The following SYN3 variants were observed in gnomAD, a reference collection of about 807,000 sequenced individuals.
The protein encoded by SYN3 is synapsin-3.
SYN3 carries 35 observed loss-of-function variants against 65.8 expected under a neutral mutation model. That is an observed-to-expected ratio of 0.53 (90% CI 0.41 to 0.70). SYN3 has a LOEUF of 0.70. Ranked by LOEUF, SYN3 falls within the 30% of genes least tolerant of loss-of-function variation. The pLI is 0.00. For missense variants in SYN3, 680 were observed against 749.0 expected (o/e 0.91, Z 1.08); for synonymous variants, 270 against 292.9 (o/e 0.92, Z 0.80).
At chr22:32,541,067 A>T (rs1271842324) in intron 8 of SYN3, among the ~76,000 whole-genome samples, 1 of 152,208 alleles carries the variant, frequency 6.6e-6, no homozygotes, top group Non-Finnish European at 1.5e-5. Context: ...AAACCCATTA[A>T]GTTAATGAGA....
chr22:32,878,738 T>C (rs764705714), intron 4 of SYN3, among the ~76,000 whole-genome samples: 1 of 152,190 alleles, frequency 6.6e-6, no homozygotes, highest in Non-Finnish European at 1.5e-5. Context: ...ATTTTGTCAC[T>C]CAATAGTATG....
intron 6 of SYN3, among the ~76,000 whole-genome samples, chr22:32,725,612 C>T (rs1036444611): frequency 1.5e-4 from 23 of 152,250 alleles, no homozygotes; most frequent in Non-Finnish European, 2.9e-4. Context: ...GATGTGATGA[C>T]TGAGGCGGAG....
chr22:32,518,572 C>T (rs2146076651), intron 12 of SYN3: 1 of 669,926 alleles, frequency 1.5e-6, no homozygotes. Context: ...CTAAATGACA[C>T]AGGATACTGT....
chr22:32,653,926 C>T (rs750381808), intron 6 of SYN3, among the ~76,000 whole-genome samples: 7 of 152,184 alleles, frequency 4.6e-5, no homozygotes, highest in African/African-American at 7.2e-5. Context: ...GCTGACAGAA[C>T]GTAAGAGGTA....
chr22:32,800,489 C>T (rs1164907669), intron 6 of SYN3, among the ~76,000 whole-genome samples: 2 of 152,264 alleles, frequency 1.3e-5, no homozygotes, highest in East Asian at 1.9e-4. Flanking sequence ...CTTTTCCTAC[C>T]CACAAAGATT....
chr22:32,589,062 C>G (rs942181957), intron 7 of SYN3, among the ~76,000 whole-genome samples: 3 of 152,218 alleles, frequency 2.0e-5, no homozygotes, highest in Non-Finnish European at 2.9e-5. Flanking sequence ...TGAAACACTG[C>G]CCCGAGCTCC....
At chr22:32,899,062 A>G (rs2049682668) in intron 4 of SYN3, among the ~76,000 whole-genome samples, 1 of 124,848 alleles carries the variant, frequency 8.0e-6, no homozygotes. Flanking sequence ...AGATTGTGCC[A>G]CTGCACTCCA....
intron 9 of SYN3, among the ~76,000 whole-genome samples, chr22:32,535,783 G>GT (rs1031319033): frequency 9.3e-5 from 14 of 151,016 alleles, no homozygotes; most frequent in South Asian, 4.2e-4. Flanking sequence ...TGGAGAATCG[G>GT]GGGGGGGGCC....
intron 1 of SYN3, among the ~76,000 whole-genome samples, chr22:33,008,973 A>G (rs1282548339): frequency 5.5e-5 from 8 of 144,942 alleles, no homozygotes; most frequent in Non-Finnish European, 1.1e-4. Flanking sequence ...AGAGAGAGAG[A>G]GAAAAGAAAA....
chr22:32,952,280 A>C (rs1040359401), intron 3 of SYN3, among the ~76,000 whole-genome samples: 3 of 150,470 alleles, frequency 2.0e-5, no homozygotes, highest in African/African-American at 7.4e-5. Context: ...CACGCATGTG[A>C]ATAATGTGTG....
chr22:32,556,376 A>G (rs1212134548), intron 7 of SYN3, among the ~76,000 whole-genome samples: 1 of 152,192 alleles, frequency 6.6e-6, no homozygotes, highest in Non-Finnish European at 1.5e-5. Flanking sequence ...CATGGTACTT[A>G]GTTTTTGGCA....
intron 6 of SYN3, among the ~76,000 whole-genome samples, chr22:32,795,508 G>C (rs2046409728): frequency 6.6e-6 from 1 of 152,210 alleles, no homozygotes; most frequent in Admixed American, 6.5e-5. Context: ...GGATCTCTAG[G>C]TGAAATTGGG....
intron 6 of SYN3, among the ~76,000 whole-genome samples, chr22:32,814,351 G>GGAAGAAAGGA (rs1569245527): frequency 1.4e-4 from 2 of 14,566 alleles, no homozygotes; most frequent in Admixed American, 9.3e-4. Context: ...GAAAGAAAGA[G>GGAAGAAAGGA]AGAAAGAAAG....
At chr22:33,044,920 A>G (rs565595702) in intron 1 of SYN3, among the ~76,000 whole-genome samples, 71 of 148,764 alleles carry the variant, frequency 4.8e-4, no homozygotes, top group Admixed American at 1.1e-3. Context: ...TCGGCTCACC[A>G]CAACCTCTGC....
At chr22:32,998,200 T>C (rs1031345463) in intron 2 of SYN3, among the ~76,000 whole-genome samples, 3 of 152,040 alleles carry the variant, frequency 2.0e-5, no homozygotes, top group African/African-American at 4.8e-5. Flanking sequence ...ACAGACACCA[T>C]GTAGAAGTGG....
intron 6 of SYN3, among the ~76,000 whole-genome samples, chr22:32,670,916 G>C (rs2060351864): frequency 6.6e-6 from 1 of 152,248 alleles, no homozygotes; most frequent in Admixed American, 6.5e-5. Flanking sequence ...AGCGCTGACA[G>C]CACACCCCTA....
At chr22:32,976,820 CCAA>C (rs1383977315) in intron 3 of SYN3, among the ~76,000 whole-genome samples, 1 of 152,174 alleles carries the variant, frequency 6.6e-6, no homozygotes, top group Non-Finnish European at 1.5e-5. Flanking sequence ...TTCCTCTAGG[CCAA>C]CCACAACTAA....
At chr22:32,618,326 C>T (rs1473352587) in intron 6 of SYN3, among the ~76,000 whole-genome samples, 1 of 152,094 alleles carries the variant, frequency 6.6e-6, no homozygotes, top group East Asian at 1.9e-4. Context: ...AATTTCCTCC[C>T]AGCACGAGAG....
chr22:32,838,541 G>C (rs2047801739), intron 6 of SYN3, among the ~76,000 whole-genome samples: 1 of 152,156 alleles, frequency 6.6e-6, no homozygotes. Flanking sequence ...TTTGGGTGCT[G>C]TCCTTCCACA....
Sources: gnomAD v4.1 joint callset for allele counts (sites outside exome capture counted in the v4.1 genomes callset) on GRCh38, gnomAD v4.1.1 for gene constraint, MANE v1.5 for transcripts, NCBI Gene and HGNC (gene_info 2026-07-23, HGNC 2026-07-21) for gene names.